Variants in PJA2 observed in about 807,000 individuals in gnomAD.
PJA2 encodes praja ring finger ubiquitin ligase 2, also known as E3 ubiquitin-protein ligase Praja-2.
In PJA2, 25 loss-of-function variants were observed where a neutral mutation model predicts 69.3. That is an observed-to-expected ratio of 0.36 (90% confidence interval 0.26 to 0.50). PJA2 has a LOEUF of 0.50. PJA2 is among the 20% of genes least tolerant of loss of function. The pLI is 0.96. For synonymous variants in PJA2, 308 were observed against 277.8 expected, an observed-to-expected ratio of 1.11 and a Z score of -1.08; for missense variants, 809 against 830.2, an observed-to-expected ratio of 0.97 and a Z score of 0.31.
rs552007601 is a variant in PJA2, at chr5:109,378,426, T to C, written c.1061A>G (p.Glu354Gly). 11 of 1,614,176 alleles carry C rather than the reference T, an allele frequency of 6.8e-6. No individual in the cohort carries two copies. The South Asian group carries it at 1.2e-4, about 18-fold the overall frequency. ...QRWREALEVEESGSDDLLIKC... is the reference protein window; with the variant it reads ...QRWREALEVEGSGSDDLLIKC... ...TATTAAGAGGTCATCTGAGCCACTTTCCTCAACTTCCAAAGCCTCTCTCCA... is the reference window on the plus strand; with the variant it reads ...TATTAAGAGGTCATCTGAGCCACTTCCCTCAACTTCCAAAGCCTCTCTCCA... The change falls in exon 4 of 10, where the codon GAA becomes GGA. Residue 354 changes from glutamate to glycine, a missense_variant. This residue lies in a region of PJA2 where 700 missense variants were observed against 639.5 expected (regional missense o/e 1.09). Transcript: ENST00000361189.
chr5:109,362,991 G>A lies in PJA2; in HGVS notation c.1501C>T (p.Pro501Ser), dbSNP rs1762526328. Residue 501 changes from proline to serine, a missense_variant, in exon 6 of 10, where the codon CCT (proline) becomes TCT (serine). Physicochemically the swap from Pro to Ser is moderately conservative, Grantham distance 74. Coordinates refer to ENST00000361189, the MANE Select transcript of PJA2 (RefSeq NM_014819.5). ...EQTSLEEGEI[P>S]WLQYNEVNES... ...TTGACTTCATTGTACTGTAACCAAG[G>A]AATTTCTCCCTCTTCCAAGGATGTC... The A allele has an allele frequency of 1.2e-6, 2 of 1,602,972 alleles. No homozygotes were observed.
At chr5:109,409,448 G>A (rs1039213027) in intron 1 of PJA2, 1 of 152,576 alleles carries the variant, frequency 6.6e-6, no homozygotes, top group African/African-American at 2.4e-5. Flanking sequence ...TGTTGGTTGG[G>A]GGGCAAACTC....
intron 1 of PJA2, among the ~76,000 whole-genome samples, chr5:109,396,717 C>T (rs1475229138): frequency 7.3e-6 from 1 of 137,392 alleles, no homozygotes; most frequent in African/African-American, 2.7e-5. Flanking sequence ...GAGCACCGCA[C>T]CCGGCCTAAC....
In PJA2 at chr5:109,380,804, C is replaced by CAAAAAAAA. The variant is rs34675958; in HGVS notation, c.232+691_232+698dup. Among the ~76,000 whole-genome samples the CAAAAAAAA allele has an allele frequency of 1.0e-4, 9 of 88,722 alleles. 1 individual carries two copies. The highest frequency in any genetic ancestry group is 1.3e-4 in the Admixed American group (1 of 7,510). The allele number at this position is 88,722 out of a possible 152,430, so 58.2% of individuals were successfully genotyped here. On this transcript the variant is annotated intron_variant, in intron 3 of 9. Coordinates refer to ENST00000361189, the MANE Select transcript of PJA2 (RefSeq NM_014819.5). ...TGGATGACAAAGTAAGATTCCATCT[C>CAAAAAAAA]AAAAAAAAAAAAAAAAAAAGAACGC... is the stretch of plus-strand genomic sequence containing the variant.
At chr5:109,382,081 G>C (rs1747063574) in intron 2 of PJA2, among the ~76,000 whole-genome samples, 1 of 151,972 alleles carries the variant, frequency 6.6e-6, no homozygotes, top group South Asian at 2.1e-4. Context: ...TAATATAAGT[G>C]CTCAATACAT....
intron 7 of PJA2, among the ~76,000 whole-genome samples, chr5:109,353,480 TAA>T (rs1286428431): frequency 1.0e-5 from 1 of 97,690 alleles, no homozygotes; most frequent in Non-Finnish European, 2.5e-5. Flanking sequence ...TATAGATATC[TAA>T]TATATTAGAT....
chr5:109,402,185 T>G (rs1237503639), intron 1 of PJA2, among the ~76,000 whole-genome samples: 1 of 152,038 alleles, frequency 6.6e-6, no homozygotes, highest in East Asian at 1.9e-4. Flanking sequence ...AGCACATAAG[T>G]AGAAAACAAT....
chr5:109,406,042 T>C (rs1433469274), intron 1 of PJA2, among the ~76,000 whole-genome samples: 1 of 17,602 alleles, frequency 5.7e-5, no homozygotes, highest in Non-Finnish European at 1.2e-4. Context: ...ACAAACCCAT[T>C]TTTTTTTTTT....
At chr5:109,391,212 G>A (rs1245353066) in intron 1 of PJA2, among the ~76,000 whole-genome samples, 2 of 152,122 alleles carry the variant, frequency 1.3e-5, no homozygotes, top group Admixed American at 1.3e-4. Context: ...GTCCATGGTT[G>A]TTATCTTCAT....
chr5:109,396,125 G>A (rs972128316), intron 1 of PJA2, among the ~76,000 whole-genome samples: 1 of 152,052 alleles, frequency 6.6e-6, no homozygotes, highest in Non-Finnish European at 1.5e-5. Flanking sequence ...AGCCATTACA[G>A]CAATATATTT....
chr5:109,351,893 T>C (rs1308615527), intron 7 of PJA2, among the ~76,000 whole-genome samples: 1 of 152,144 alleles, frequency 6.6e-6, no homozygotes, highest in Non-Finnish European at 1.5e-5. Flanking sequence ...TCATAAATTA[T>C]TTTTGTTTCA....
intron 1 of PJA2, among the ~76,000 whole-genome samples, chr5:109,390,447 ATTT>A (rs1235670489): frequency 6.6e-6 from 1 of 151,716 alleles, no homozygotes; most frequent in Non-Finnish European, 1.5e-5. Flanking sequence ...CCATCTTTTC[ATTT>A]TACCTGTGCC....
intron 4 of PJA2, among the ~76,000 whole-genome samples, chr5:109,375,185 A>T (rs932874738): frequency 6.6e-6 from 1 of 152,326 alleles, no homozygotes; most frequent in East Asian, 1.9e-4. Flanking sequence ...TATATAATTC[A>T]TATTTTTAAA....
intron 6 of PJA2, among the ~76,000 whole-genome samples, chr5:109,359,938 T>C (rs1391457598): frequency 1.3e-5 from 2 of 152,120 alleles, no homozygotes; most frequent in African/African-American, 4.8e-5. Flanking sequence ...ACATCATGCC[T>C]GCAACTTACT....
intron 4 of PJA2, among the ~76,000 whole-genome samples, chr5:109,371,362 CCT>C: frequency 6.6e-6 from 1 of 152,186 alleles, no homozygotes; most frequent in Non-Finnish European, 1.5e-5. Flanking sequence ...CAGATGAATC[CCT>C]ATCTTGATTT....
intron 4 of PJA2, 70 bp downstream of exon 4, chr5:109,378,134 C>A: frequency 8.8e-7 from 1 of 1,130,360 alleles, no homozygotes; most frequent in Non-Finnish European, 1.3e-6. Context: ...GCCCAGCCAT[C>A]AAACATGGTT....
chr5:109,391,051 A>G (rs1747269857), intron 1 of PJA2, among the ~76,000 whole-genome samples: 1 of 152,156 alleles, frequency 6.6e-6, no homozygotes, highest in Non-Finnish European at 1.5e-5. Flanking sequence ...TAAAATGAAA[A>G]TATTATTAAG....
rs547369063 is a variant in PJA2, at chr5:109,395,186, T to C, written c.-87-11666A>G. On this transcript the variant is annotated intron_variant, in intron 1 of 9. Transcript: ENST00000361189. Reference sequence around the variant, plus strand: ...TGAACTCACAATAAAAAGTGTAACATACATGAGAAATAACGTTGACAAGAA... The same window carrying C: ...TGAACTCACAATAAAAAGTGTAACACACATGAGAAATAACGTTGACAAGAA... Among the ~76,000 whole-genome samples the C allele has an allele frequency of 7.9e-5, 12 of 152,184 alleles. No individual in the cohort carries two copies. In the South Asian group the frequency reaches 2.5e-3, roughly 32 times the overall value.
intron 7 of PJA2, among the ~76,000 whole-genome samples, chr5:109,345,513 C>CAAAAAAAAA (rs531364060): frequency 1.1e-5 from 1 of 91,816 alleles, no homozygotes. Context: ...GACTCTGTCT[C>CAAAAAAAAA]AAAAAAAAAA....
Sources: gnomAD v4.1 joint callset for allele counts (sites outside exome capture counted in the v4.1 genomes callset) on GRCh38, gnomAD v4.1.1 for gene constraint, gnomAD v4.1.1 regional missense constraint, MANE v1.5 for transcripts, NCBI Gene and HGNC (gene_info 2026-07-23, HGNC 2026-07-21) for gene names.